Variants in STXBP5L observed in about 807,000 individuals in gnomAD.
STXBP5L encodes syntaxin-binding protein 5-like.
In STXBP5L, 65 loss-of-function variants were observed where a neutral mutation model predicts 144.5. The ratio of observed to expected loss-of-function variants is 0.45; its 90% CI spans 0.37 to 0.55. STXBP5L has a LOEUF of 0.55. STXBP5L is among the 20% of genes least tolerant of loss of function. STXBP5L has a pLI of 0.00. For synonymous variants in STXBP5L, 505 were observed against 469.6 expected (o/e 1.08, Z -0.97); for missense variants, 1,298 against 1,405.5 (o/e 0.92, Z 1.22).
At position 121,064,510 on chromosome 3, in the gene STXBP5L, G is replaced by A. The variant is rs957703027; in HGVS notation, c.470+18975G>A. On this transcript the variant is annotated intron_variant, in intron 5 of 26. Coordinates refer to ENST00000471454, the MANE Select transcript of STXBP5L (RefSeq NM_001308330.2). ...GTGAGATTTTGATTAGAACTACCTT[G>A]AATCTATAGATCATTTTCGGGAGAA... Among the ~76,000 whole-genome samples, 85 of 152,172 alleles carry A rather than the reference G, an allele frequency of 5.6e-4. 1 individual carries two copies. Among genetic ancestry groups the A allele is most frequent in the Admixed American group, 3.3e-4 (5 of 15,280 alleles).
At chr3:121,389,041 G>T (rs747790507) in intron 22 of STXBP5L, among the ~76,000 whole-genome samples, 1 of 152,092 alleles carries the variant, frequency 6.6e-6, no homozygotes, top group Non-Finnish European at 1.5e-5. Context: ...TGGTTGGTAG[G>T]CTATTAATTA....
chr3:121,131,571 TA>T (rs2044989599), intron 7 of STXBP5L, among the ~76,000 whole-genome samples: 1 of 152,188 alleles, frequency 6.6e-6, no homozygotes, highest in Admixed American at 6.6e-5. Context: ...CTGGAAAGCC[TA>T]AAATATTTAC....
At chr3:120,931,612 A>G (rs573295623) in intron 2 of STXBP5L, among the ~76,000 whole-genome samples, 126 of 152,288 alleles carry the variant, frequency 8.3e-4, no homozygotes, top group Middle Eastern at 3.4e-3. Flanking sequence ...GTTTTTGTAG[A>G]TAAAGTTGCT....
At position 121,019,962 on chromosome 3, in the gene STXBP5L, C is replaced by A. The variant is rs188880697; in HGVS notation, c.288-21738C>A. On this transcript the variant is annotated intron_variant, in intron 3 of 26. Transcript: ENST00000471454. ...CCAGAAAAAGAATTCAGAAGGTCGACTACTTAGCCAATCAAGGAGGCAACA... is the reference window on the plus strand; with the variant it reads ...CCAGAAAAAGAATTCAGAAGGTCGAATACTTAGCCAATCAAGGAGGCAACA... 6.6e-5 allele frequency among the ~76,000 whole-genome samples: 10 copies of A among 152,254 alleles called. No homozygotes were observed. In the East Asian group the frequency reaches 1.9e-3, roughly 29 times the overall value.
intron 18 of STXBP5L, among the ~76,000 whole-genome samples, chr3:121,270,232 CTTTT>C (rs34309576): frequency 2.9e-5 from 4 of 137,324 alleles, no homozygotes; most frequent in Non-Finnish European, 4.7e-5. Context: ...AGAAGAAGAG[CTTTT>C]TTTTTTTTTT....
chr3:121,380,317 G>A lies in STXBP5L; in HGVS notation c.2348-976G>A, dbSNP rs547519132. Among the ~76,000 whole-genome samples the A allele has an allele frequency of 6.6e-4, 100 of 152,184 alleles. 3 individuals carry two copies. In the South Asian group the frequency reaches 0.02, roughly 31 times the overall value. On this transcript the variant is annotated intron_variant, in intron 21 of 26. Coordinates refer to ENST00000471454, the MANE Select transcript of STXBP5L (RefSeq NM_001308330.2). ...TATAAATTTGCTAAGAGATAAAAAG[G>A]AGAAATTAGGAATACTATATTTTGT... is the stretch of plus-strand genomic sequence containing the variant.
intron 3 of STXBP5L, among the ~76,000 whole-genome samples, chr3:120,961,980 A>G (rs1326660515): frequency 6.6e-6 from 1 of 152,124 alleles, no homozygotes. Flanking sequence ...CTGGCATGAG[A>G]TGGTATCTCA....
chr3:121,165,336 G>A (rs1294129810), intron 9 of STXBP5L, among the ~76,000 whole-genome samples: 4 of 151,950 alleles, frequency 2.6e-5, no homozygotes, highest in Non-Finnish European at 5.9e-5. Flanking sequence ...ATATAATTCC[G>A]CATTGGGAAC....
chr3:121,001,146 G>T (rs1225250692), intron 3 of STXBP5L, among the ~76,000 whole-genome samples: 3 of 152,214 alleles, frequency 2.0e-5, no homozygotes, highest in Admixed American at 6.5e-5. Flanking sequence ...AGCATGGCAG[G>T]GTCTGTGCAT....
intron 6 of STXBP5L, among the ~76,000 whole-genome samples, chr3:121,115,879 C>T (rs1308860224): frequency 3.9e-5 from 6 of 152,062 alleles, no homozygotes; most frequent in Non-Finnish European, 8.8e-5. Context: ...AACAAGATCT[C>T]ACGAGAATTC....
rs190232471 is a variant in STXBP5L, at chr3:121,026,417, A to T, written c.288-15283A>T. On this transcript the variant is annotated intron_variant, in intron 3 of 26. Coordinates refer to ENST00000471454, the MANE Select transcript of STXBP5L (RefSeq NM_001308330.2). ...ATTCCTATTTTATTTTCATTATAAC[A>T]CATCACTAGCTTATATTTTCTCATT... Among the ~76,000 whole-genome samples, 97 of 152,194 alleles carry T rather than the reference A, an allele frequency of 6.4e-4. 1 individual carries two copies. The highest frequency in any genetic ancestry group is 9.0e-4 in the Non-Finnish European group (61 of 67,946).
At chr3:121,411,592 GC>G (rs2108748633) in intron 23 of STXBP5L, among the ~76,000 whole-genome samples, 1 of 152,190 alleles carries the variant, frequency 6.6e-6, no homozygotes, top group Non-Finnish European at 1.5e-5. Flanking sequence ...ATTAGGATAA[GC>G]ATATAGCCAT....
intron 19 of STXBP5L, among the ~76,000 whole-genome samples, chr3:121,289,881 TATCAAAAC>T (rs1191159252): frequency 6.6e-6 from 1 of 152,058 alleles, no homozygotes; most frequent in Non-Finnish European, 1.5e-5. Flanking sequence ...TGGCACAACC[TATCAAAAC>T]CTCTGGGATA....
At chr3:120,966,180 T>A (rs1318397863) in intron 3 of STXBP5L, among the ~76,000 whole-genome samples, 1 of 152,230 alleles carries the variant, frequency 6.6e-6, no homozygotes, top group East Asian at 1.9e-4. Flanking sequence ...GCCATTCATC[T>A]TATCTTTTGT....
intron 3 of STXBP5L, among the ~76,000 whole-genome samples, chr3:121,009,055 A>G (rs1944573336): frequency 6.6e-6 from 1 of 151,886 alleles, no homozygotes; most frequent in Non-Finnish European, 1.5e-5. Flanking sequence ...AACTTTAAAG[A>G]GAAGGATTTC....
At chr3:120,980,755 T>TA (rs966185180) in intron 3 of STXBP5L, among the ~76,000 whole-genome samples, 1 of 152,188 alleles carries the variant, frequency 6.6e-6, no homozygotes, top group African/African-American at 2.4e-5. Flanking sequence ...TGTTAATTGT[T>TA]ACTTAGATGG....
chr3:121,252,278 AT>A (rs1325561854), intron 15 of STXBP5L, among the ~76,000 whole-genome samples: 2 of 152,050 alleles, frequency 1.3e-5, no homozygotes, highest in African/African-American at 4.8e-5. Context: ...AGGCAGGAGA[AT>A]TGCTGGAATC....
chr3:121,297,202 A>ATGTGTGTGTGTGTGTGTGTGTGTGTG (rs71133526), intron 19 of STXBP5L, among the ~76,000 whole-genome samples: 4 of 148,228 alleles, frequency 2.7e-5, no homozygotes, highest in Non-Finnish European at 6.0e-5. Flanking sequence ...TCTACATTAT[A>ATGTGTGTGTGTGTGTGTGTGTGTGTG]TGTGTGTGTG....
At chr3:121,007,887 A>C (rs981680753) in intron 3 of STXBP5L, among the ~76,000 whole-genome samples, 3 of 152,088 alleles carry the variant, frequency 2.0e-5, no homozygotes, top group Non-Finnish European at 4.4e-5. Flanking sequence ...TAAGTTTACT[A>C]TGTAAACTAA....
Sources: allele counts gnomAD v4.1 joint callset (sites outside exome capture counted in the v4.1 genomes callset), GRCh38; gene constraint gnomAD v4.1.1; transcripts MANE v1.5; gene names NCBI Gene and HGNC (gene_info 2026-07-23, HGNC 2026-07-21).